The following RPS27 variants were observed in gnomAD, a reference collection of about 807,000 sequenced individuals.
RPS27 encodes small ribosomal subunit protein eS27.
RPS27 carries 1 observed loss-of-function variant against 11.8 expected under a neutral mutation model. The observed-to-expected ratio is 0.08, with a 90% CI of 0.03 to 0.40. The LOEUF (loss-of-function observed/expected upper bound fraction) is 0.40. Ranked by LOEUF, RPS27 falls within the 10% of genes least tolerant of loss-of-function variation. The pLI is 0.98. For missense variants in RPS27, 44 were observed against 100.1 expected (o/e 0.44, Z 2.39); for synonymous variants, 42 against 33.8 (o/e 1.24, Z -0.84).
Position 153,991,639 on chromosome 1 carries a change from C to G in RPS27, c.189C>G (p.Leu63=). 1 of 1,611,934 alleles carries G rather than the reference C, an allele frequency of 6.2e-7. No homozygotes were observed. The highest frequency in any genetic ancestry group is 8.5e-7 in the Non-Finnish European group (1 of 1,178,018). ...VVLCVGCSTV[L]CQPTGGKARL... ...TGTGTGTTGGCTGCTCCACTGTCCT[C>G]TGCCAGCCTACAGGAGGAAAAGCAA... is the stretch of plus-strand genomic sequence containing the variant. Residue 63 remains leucine, a synonymous_variant, in exon 3 of 4, where the codon CTC becomes CTG. Transcript: ENST00000651669.
chr1:153,991,062 C>A, intron 1 of RPS27, 53 bp from the exon 2 acceptor site: 1 of 1,406,600 alleles, frequency 7.1e-7, no homozygotes, highest in Non-Finnish European at 9.7e-7. Context: ...CTATTTTCGA[C>A]CATCCCATTT....
In RPS27 at chr1:153,990,788, C is replaced by G. The variant is rs71626798; in HGVS notation, c.-9C>G. On this transcript the variant is annotated 5_prime_UTR_variant, in exon 1 of 4. Transcript: ENST00000651669. ...CTTTCCGGCGGTGACGACCTACGCACACGAGAACATGCCTGTGAGTGCTTT... is the reference window on the plus strand; with the variant it reads ...CTTTCCGGCGGTGACGACCTACGCAGACGAGAACATGCCTGTGAGTGCTTT... 3.7e-6 allele frequency: 6 copies of G among 1,614,244 alleles called. No individual in the cohort carries two copies. The highest frequency in any genetic ancestry group is 2.2e-5 in the South Asian group (2 of 91,090).
At position 153,991,233 on chromosome 1, in the gene RPS27, C is replaced by G; in HGVS notation, c.115+10C>G. ...GATGTGAAATGCCCAGGTGAGGAGA[C>G]GGCTTGCTGTAGTGGGGAAAGCACT... On this transcript the variant is annotated intron_variant, in intron 2 of 3. Coordinates refer to ENST00000651669, the MANE Select transcript of RPS27 (RefSeq NM_001030.6). The G allele has an allele frequency of 6.3e-7, 1 of 1,589,560 alleles. No individual in the cohort carries two copies. Among genetic ancestry groups the G allele is most frequent in the Non-Finnish European group, 8.6e-7 (1 of 1,164,630 alleles).
At chr1:153,990,832 G>C (rs1649354295) in intron 1 of RPS27, 30 bp downstream of exon 1, 1 of 1,614,194 alleles carries the variant, frequency 6.2e-7, no homozygotes, top group East Asian at 2.2e-5. Flanking sequence ...TTTCGGCGGA[G>C]ATCTCGCTGT....
In RPS27 at chr1:153,990,809, G is replaced by A. The variant is rs112394823; in HGVS notation, c.6+7G>A. 3.1e-6 allele frequency: 5 copies of A among 1,614,094 alleles called. No homozygotes were observed. The highest frequency in any genetic ancestry group is 2.2e-5 in the South Asian group (2 of 91,094). On this transcript the variant is annotated splice_region_variant and intron_variant, in intron 1 of 3. Coordinates refer to ENST00000651669, the MANE Select transcript of RPS27 (RefSeq NM_001030.6). Reference sequence around the variant, plus strand: ...CGCACACGAGAACATGCCTGTGAGTGCTTTGGTCCAGGTTTCGGCGGAGAT... The same window carrying A: ...CGCACACGAGAACATGCCTGTGAGTACTTTGGTCCAGGTTTCGGCGGAGAT...
At chr1:153,990,977 A>G in intron 1 of RPS27, 138 bp from the exon 2 acceptor site, 1 of 1,194,860 alleles carries the variant, frequency 8.4e-7, no homozygotes, top group Non-Finnish European at 1.2e-6. Flanking sequence ...CGGAGAGGAG[A>G]TAAGATGGCG....
chr1:153,991,788 T>A, intron 3 of RPS27, 112 bp downstream of exon 3: 1 of 739,562 alleles, frequency 1.4e-6, no homozygotes, highest in Admixed American at 2.8e-5. Flanking sequence ...TAATGTAAAT[T>A]TTTAGACAAG....
rs1649372809 is a variant in RPS27, at chr1:153,991,133, C to T, written c.25C>T (p.His9Tyr). 1 of 1,590,186 alleles carries T rather than the reference C, an allele frequency of 6.3e-7. No homozygotes were observed. The highest frequency in any genetic ancestry group is 8.6e-7 in the Non-Finnish European group (1 of 1,166,358). MPLAKDLL[H>Y]PSPEEEKRKH... is the part of the protein sequence containing the mutation. ...CTCTTAGCTCGCAAAGGATCTCCTT[C>T]ATCCCTCTCCAGAAGAGGAGAAGAG... Residue 9 changes from histidine to tyrosine, a missense_variant, in exon 2 of 4, where the codon CAT becomes TAT. Coordinates refer to ENST00000651669, the MANE Select transcript of RPS27 (RefSeq NM_001030.6).
intron 2 of RPS27, 126 bp downstream of exon 2, chr1:153,991,349 AT>A: frequency 6.6e-7 from 1 of 1,514,996 alleles, no homozygotes; most frequent in Admixed American, 2.4e-5. Context: ...TGTGGAAAAT[AT>A]TTTCCCTGAT....
At chr1:153,991,397 T>A (rs1442040052) in intron 2 of RPS27, 169 bp from the exon 3 acceptor site, 5 of 1,482,520 alleles carry the variant, frequency 3.4e-6, no homozygotes, top group Middle Eastern at 2.4e-4. Context: ...TGGCAAAGTT[T>A]TGCATCTTAG....
chr1:153,991,076 C>T (rs1649368808), intron 1 of RPS27, 39 bp from the exon 2 acceptor site: 3 of 1,468,526 alleles, frequency 2.0e-6, no homozygotes, highest in African/African-American at 1.4e-5. Flanking sequence ...CCCATTTTCG[C>T]TGTTGGTTTC....
intron 2 of RPS27, 146 bp from the exon 3 acceptor site, chr1:153,991,420 A>T: frequency 7.1e-7 from 1 of 1,413,848 alleles, no homozygotes. Flanking sequence ...GGAGTGATTC[A>T]TTTCACCGTG....
intron 2 of RPS27, 133 bp from the exon 3 acceptor site, chr1:153,991,431 ATC>A (rs1245965599): frequency 2.0e-5 from 27 of 1,380,578 alleles, no homozygotes; most frequent in Non-Finnish European, 2.6e-5. Flanking sequence ...TTTCACCGTG[ATC>A]TCTCATCACA....
Position 153,990,826 on chromosome 1 carries a change from G to A in RPS27, c.6+24G>A, listed in dbSNP as rs775784309. ...CTGTGAGTGCTTTGGTCCAGGTTTC[G>A]GCGGAGATCTCGCTGTTCTGTCCGA... On this transcript the variant is annotated intron_variant, in intron 1 of 3. Coordinates refer to ENST00000651669, the MANE Select transcript of RPS27 (RefSeq NM_001030.6). The A allele has an allele frequency of 2.5e-6, 4 of 1,614,038 alleles. No homozygotes were observed. In the Middle Eastern group the frequency reaches 4.9e-4, roughly 199 times the overall value.
chr1:153,991,532 TAG>T, intron 2 of RPS27, 32 bp from the exon 3 acceptor site: 1 of 1,529,636 alleles, frequency 6.5e-7, no homozygotes, highest in Non-Finnish European at 9.1e-7. Context: ...ACGGGTGTAA[TAG>T]AGGAAAAAAA....
In RPS27 at chr1:153,991,334, T is replaced by TC. The variant is rs754532864; in HGVS notation, c.115+112dup. ...AAGCTGTGCAGCAGCTTCAGTTTCT[T>TC]CGCCTGTGGAAAATATTTTCCCTGA... On this transcript the variant is annotated intron_variant, in intron 2 of 3. Transcript: ENST00000651669. 1.3e-4 allele frequency: 198 copies of TC among 1,520,374 alleles called. 2 individuals carry two copies. In the Middle Eastern group the frequency reaches 1.4e-3, roughly 11 times the overall value. 94.2% of individuals were successfully genotyped at this position (1,520,374 alleles called of 1,614,324 possible).
chr1:153,990,921 A>G, intron 1 of RPS27, 119 bp downstream of exon 1: 2 of 1,446,478 alleles, frequency 1.4e-6, no homozygotes, highest in Non-Finnish European at 1.9e-6. Flanking sequence ...TAGGACATTA[A>G]CTCCAGGGAC....
At chr1:153,991,437 C>A (rs1285274484) in intron 2 of RPS27, 129 bp from the exon 3 acceptor site, 1 of 1,371,038 alleles carries the variant, frequency 7.3e-7, no homozygotes, top group Non-Finnish European at 1.0e-6. Flanking sequence ...CGTGATCTCT[C>A]ATCACATTTC....
At chr1:153,991,961 G>A in intron 3 of RPS27, 104 bp from the exon 4 acceptor site, 1 of 1,069,214 alleles carries the variant, frequency 9.4e-7, no homozygotes, top group Non-Finnish European at 1.4e-6. Context: ...TGAGAAAAAA[G>A]ATGTAGCTTT....
Sources: allele counts gnomAD v4.1 joint callset, GRCh38; gene constraint gnomAD v4.1.1; transcripts MANE v1.5; gene names NCBI Gene and HGNC (gene_info 2026-07-23, HGNC 2026-07-21).